CADPS2: variants seen among roughly 807,000 people sequenced by gnomAD.
CADPS2 encodes the protein calcium dependent secretion activator 2.
In CADPS2, 93 loss-of-function variants were observed where a neutral mutation model predicts 172.5. That is an observed-to-expected ratio of 0.54 (90% confidence interval 0.46 to 0.64). The LOEUF (loss-of-function observed/expected upper bound fraction) is 0.64, where lower values mean the gene tolerates loss of function less well. Among genes scored for constraint, CADPS2 ranks in the 30% least tolerant of loss-of-function variants. The pLI is 0.00. For synonymous variants in CADPS2, 546 were observed against 555.2 expected (o/e 0.98, Z 0.23); for missense variants, 1,420 against 1,565.9 (o/e 0.91, Z 1.57).
intron 27 of CADPS2, among the ~76,000 whole-genome samples, chr7:122,358,187 T>C (rs766111309): frequency 6.6e-6 from 1 of 152,146 alleles, no homozygotes; most frequent in Non-Finnish European, 1.5e-5. Flanking sequence ...TACATAGTGG[T>C]ATCTTCTTTT....
rs548628364 is a variant in CADPS2, at chr7:122,618,851, G to A, written c.1104+2630C>T. Among the ~76,000 whole-genome samples, 33 of 152,210 alleles carry A rather than the reference G, an allele frequency of 2.2e-4. No individual in the cohort carries two copies. The East Asian group carries it at 5.2e-3, about 24-fold the overall frequency. On this transcript the variant is annotated intron_variant, in intron 5 of 29. Coordinates refer to ENST00000449022, the MANE Select transcript of CADPS2 (RefSeq NM_017954.11). Reference sequence around the variant, plus strand: ...GCACTGCACCATCGTCACTTAACACGATTTTACTTTGTTGCTGGACACATA... The same window carrying A: ...GCACTGCACCATCGTCACTTAACACAATTTTACTTTGTTGCTGGACACATA...
At chr7:122,609,533 TC>T (rs1450910496) in intron 6 of CADPS2, among the ~76,000 whole-genome samples, 1 of 152,142 alleles carries the variant, frequency 6.6e-6, no homozygotes, top group African/African-American at 2.4e-5. Context: ...CACACTCTCT[TC>T]CCTATTTTAC....
intron 6 of CADPS2, among the ~76,000 whole-genome samples, chr7:122,613,689 C>G (rs1291506736): frequency 5.5e-5 from 8 of 145,024 alleles, no homozygotes; most frequent in Non-Finnish European, 1.1e-4. Context: ...TTTTTTTTTT[C>G]TTGAGATGAT....
At chr7:122,609,483 T>C (rs2074021550) in intron 6 of CADPS2, among the ~76,000 whole-genome samples, 1 of 152,192 alleles carries the variant, frequency 6.6e-6, no homozygotes, top group African/African-American at 2.4e-5. Context: ...AATCCATAAA[T>C]AACAGGAATT....
At chr7:122,362,092 CA>C (rs771642622) in intron 25 of CADPS2, among the ~76,000 whole-genome samples, 41 of 151,676 alleles carry the variant, frequency 2.7e-4, no homozygotes, top group Non-Finnish European at 5.3e-4. Flanking sequence ...AAAACAAAAA[CA>C]AAAAACCAAA....
intron 6 of CADPS2, among the ~76,000 whole-genome samples, chr7:122,585,336 A>G (rs2069492847): frequency 1.3e-5 from 2 of 151,892 alleles, no homozygotes; most frequent in Admixed American, 1.3e-4. Context: ...ACAGGCATAA[A>G]TTGGCACCAA....
At chr7:122,475,820 C>T (rs765636534) in intron 12 of CADPS2, among the ~76,000 whole-genome samples, 6 of 152,118 alleles carry the variant, frequency 3.9e-5, no homozygotes, top group Non-Finnish European at 7.4e-5. Context: ...TGAATGGCAG[C>T]TTATTGATGT....
intron 2 of CADPS2, among the ~76,000 whole-genome samples, chr7:122,731,171 C>T (rs1243520662): frequency 6.6e-6 from 1 of 151,312 alleles, no homozygotes; most frequent in African/African-American, 2.4e-5. Context: ...CAAAGTAGAA[C>T]ATAAACAAAT....
At chr7:122,741,336 A>C (rs1303410550) in intron 1 of CADPS2, among the ~76,000 whole-genome samples, 1 of 152,156 alleles carries the variant, frequency 6.6e-6, no homozygotes, top group Non-Finnish European at 1.5e-5. Flanking sequence ...GGCTGTGGGA[A>C]CTGGACAGAC....
chr7:122,386,296 C>CA, intron 24 of CADPS2: 1 of 1,438,868 alleles, frequency 6.9e-7, no homozygotes, highest in Non-Finnish European at 9.2e-7. Flanking sequence ...GAGACTTACC[C>CA]ATTGACTACC....
intron 2 of CADPS2, among the ~76,000 whole-genome samples, chr7:122,683,142 G>A (rs147486322): frequency 5.6e-4 from 86 of 152,300 alleles, no homozygotes; most frequent in African/African-American, 1.8e-3. Context: ...GGTTCTTGGC[G>A]GGATGAGAGT....
At chr7:122,564,575 G>A (rs1014509799) in intron 7 of CADPS2, among the ~76,000 whole-genome samples, 3 of 152,012 alleles carry the variant, frequency 2.0e-5, no homozygotes, top group African/African-American at 7.2e-5. Context: ...CCAAAGTGCT[G>A]GGATTACAGG....
At chr7:122,720,557 CAT>C (rs964332344) in intron 2 of CADPS2, among the ~76,000 whole-genome samples, 8 of 150,650 alleles carry the variant, frequency 5.3e-5, no homozygotes, top group African/African-American at 1.7e-4. Flanking sequence ...TGTATATATG[CAT>C]GTGTCTGTAT....
At chr7:122,803,703 G>A (rs138166323) in intron 1 of CADPS2, among the ~76,000 whole-genome samples, 1 of 152,256 alleles carries the variant, frequency 6.6e-6, no homozygotes, top group East Asian at 1.9e-4. Context: ...TTGTATGTCT[G>A]TGGGATCGGT....
chr7:122,565,346 G>A (rs959251182), intron 7 of CADPS2, among the ~76,000 whole-genome samples: 3 of 152,046 alleles, frequency 2.0e-5, no homozygotes, highest in African/African-American at 2.4e-5. Context: ...AAATCTCTGC[G>A]ATACATTTTC....
intron 7 of CADPS2, among the ~76,000 whole-genome samples, chr7:122,567,301 A>C (rs1380566666): frequency 6.6e-6 from 1 of 152,134 alleles, no homozygotes; most frequent in Non-Finnish European, 1.5e-5. Flanking sequence ...CAGCACCTTG[A>C]AAGATAACCT....
intron 2 of CADPS2, among the ~76,000 whole-genome samples, chr7:122,686,225 C>T (rs1453236825): frequency 2.6e-5 from 4 of 152,116 alleles, no homozygotes; most frequent in Non-Finnish European, 5.9e-5. Context: ...ACTCACAACT[C>T]CCTTGACAGT....
chr7:122,820,542 G>GTT (rs1286462243), intron 1 of CADPS2, among the ~76,000 whole-genome samples: 3 of 117,790 alleles, frequency 2.5e-5, no homozygotes, highest in African/African-American at 1.1e-4. Context: ...TGACCTTACT[G>GTT]TTTTTTGTTT....
intron 6 of CADPS2, among the ~76,000 whole-genome samples, chr7:122,614,495 A>G (rs2074672596): frequency 6.6e-6 from 1 of 152,182 alleles, no homozygotes; most frequent in Non-Finnish European, 1.5e-5. Context: ...ATAGAAGAAA[A>G]AAAATGTTTT....
Sources: allele counts gnomAD v4.1 joint callset (sites outside exome capture counted in the v4.1 genomes callset), GRCh38; gene constraint gnomAD v4.1.1; transcripts MANE v1.5; gene names NCBI Gene and HGNC (gene_info 2026-07-23, HGNC 2026-07-21).